Variants in TEX22 observed in about 807,000 individuals in gnomAD.
TEX22 encodes the protein testis expressed 22, also known as testis-expressed protein 22.
A neutral mutation model predicts 11.3 loss-of-function variants in TEX22; 16 were observed. That is an observed-to-expected ratio of 1.42 (90% CI 0.96 to 2.15). TEX22 has a LOEUF of 2.15. TEX22 is among the 30% of genes most tolerant of loss of function. TEX22 has a pLI of 0.00. For synonymous variants in TEX22, 97 were observed against 92.3 expected (o/e 1.05, Z -0.29); for missense variants, 220 against 208.6 (o/e 1.05, Z -0.34).
At chr14:105,403,325 T>C (rs1333975529) in intron 2 of TEX22, among the ~76,000 whole-genome samples, 1 of 152,208 alleles carries the variant, frequency 6.6e-6, no homozygotes, top group Non-Finnish European at 1.5e-5. Context: ...TGAACTTCCT[T>C]TTCTATGAGT....
chr14:105,408,036 G>C (rs587770514), intron 2 of TEX22, among the ~76,000 whole-genome samples: 2 of 152,232 alleles, frequency 1.3e-5, no homozygotes, highest in South Asian at 4.2e-4. Context: ...ATGAGTTAAA[G>C]AGTTCTGTGC....
chr14:105,405,571 C>T (rs995361650), intron 2 of TEX22, among the ~76,000 whole-genome samples: 30 of 152,148 alleles, frequency 2.0e-4, no homozygotes, highest in Admixed American at 1.0e-3. Flanking sequence ...ACCAAACGGC[C>T]GTGCATCAGT....
At position 105,412,641 on chromosome 14, in the gene TEX22, G is replaced by A. The variant is rs1284901177; in HGVS notation, c.*808G>A. 6.6e-6 allele frequency: 1 copy of A among 152,054 alleles called. No homozygotes were observed. Among genetic ancestry groups the A allele is most frequent in the Non-Finnish European group, 1.5e-5 (1 of 68,072 alleles). 9.4% of individuals were successfully genotyped at this position (152,054 alleles called of 1,614,324 possible). On this transcript the variant is annotated 3_prime_UTR_variant, in exon 4 of 4. Transcript: ENST00000451127. This position sits in a 1 kb window ranked among gnomAD's most constrained non-coding sequence, Gnocchi z 5.8. ...GCATTTTGGGGACACTAAGTTGCAGGGGGACTGGATTGGGAGGCGGGGCAG... is the reference window on the plus strand; with the variant it reads ...GCATTTTGGGGACACTAAGTTGCAGAGGGACTGGATTGGGAGGCGGGGCAG...
At chr14:105,400,469 C>T (rs750040574) in intron 2 of TEX22, among the ~76,000 whole-genome samples, 4 of 152,054 alleles carry the variant, frequency 2.6e-5, no homozygotes, top group Admixed American at 6.6e-5. Flanking sequence ...TAGTGAGGGC[C>T]GCTCAGGAGG....
Position 105,411,397 on chromosome 14 carries a change from G to A in TEX22, c.180G>A (p.Pro60=). The A allele has an allele frequency of 1.5e-6, 2 of 1,321,160 alleles. No homozygotes were observed. The highest frequency in any genetic ancestry group is 3.2e-5 in the East Asian group (1 of 31,206). The allele number at this position is 1,321,160 out of a possible 1,614,324, so 81.8% of individuals were successfully genotyped here. Residue 60 remains proline (P), a synonymous_variant, in exon 3 of 4, where the codon CCG becomes CCA. Transcript: ENST00000451127. ...GCGAGCCGCCGGAACGCAGGCGCCC[G>A]GGCCGCCGCTGGAGCGTCAGCATCG... ...WVCEPPERRR[P]GRRWSVSIDE... is the part of the protein sequence containing the mutation.
rs1421114277 is a variant in TEX22, at chr14:105,412,060, G to C, written c.*227G>C. 2.4e-6 allele frequency: 1 copy of C among 418,120 alleles called. No individual in the cohort carries two copies. Among genetic ancestry groups the C allele is most frequent in the South Asian group, 5.9e-5 (1 of 16,986 alleles). The allele number at this position is 418,120 out of a possible 1,614,324, so 25.9% of individuals were successfully genotyped here. On this transcript the variant is annotated 3_prime_UTR_variant, in exon 4 of 4. Transcript: ENST00000451127. The surrounding 1 kb of genome is among the most constrained non-coding windows in gnomAD (Gnocchi z 5.8). ...CTAGGGGAGGGGAACACTGCCCCGGGTCAGTCTGAGAGGGCCCTGGCAAGG... is the reference window on the plus strand; with the variant it reads ...CTAGGGGAGGGGAACACTGCCCCGGCTCAGTCTGAGAGGGCCCTGGCAAGG...
chr14:105,399,328 A>G lies in TEX22; in HGVS notation c.-13A>G, dbSNP rs1158377017. On this transcript the variant is annotated 5_prime_UTR_variant, in exon 2 of 4. Coordinates refer to ENST00000451127, the MANE Select transcript of TEX22 (RefSeq NM_001195082.2). ...TCTCAGAGGTGTGGACAAGCAGCCT[A>G]CTAGGGCTAGAGATGGACAGCAGGA... The G allele has an allele frequency of 4.6e-6, 7 of 1,533,620 alleles. No individual in the cohort carries two copies. Among genetic ancestry groups the G allele is most frequent in the Non-Finnish European group, 6.1e-6 (7 of 1,145,876 alleles).
intron 2 of TEX22, among the ~76,000 whole-genome samples, chr14:105,400,584 T>A (rs1445290042): frequency 1.3e-5 from 2 of 151,918 alleles, no homozygotes; most frequent in Non-Finnish European, 2.9e-5. Context: ...ATTGGACCCA[T>A]ATCCAGCAAG....
At chr14:105,409,980 G>C (rs2081680459) in intron 2 of TEX22, among the ~76,000 whole-genome samples, 1 of 152,022 alleles carries the variant, frequency 6.6e-6, no homozygotes. Context: ...GGTCTCACAG[G>C]CTGGTTTAGA....
intron 2 of TEX22, among the ~76,000 whole-genome samples, chr14:105,410,158 A>G (rs587597047): frequency 1.4e-5 from 2 of 144,820 alleles, no homozygotes; most frequent in Admixed American, 6.9e-5. Flanking sequence ...GCTCAGTGCA[A>G]CCTCCACCTC....
At chr14:105,399,736 T>A (rs1555418163) in intron 2 of TEX22, among the ~76,000 whole-genome samples, 1 of 152,124 alleles carries the variant, frequency 6.6e-6, no homozygotes, top group African/African-American at 2.4e-5. Flanking sequence ...AGAGAGGTCT[T>A]CCAAGGCCAG....
intron 2 of TEX22, among the ~76,000 whole-genome samples, chr14:105,401,178 G>C (rs1403407495): frequency 6.6e-6 from 1 of 152,192 alleles, no homozygotes; most frequent in Non-Finnish European, 1.5e-5. Context: ...CCAGTGCTTA[G>C]GACAGTGTCT....
chr14:105,411,223 C>T, intron 2 of TEX22, 145 bp from the exon 3 acceptor site: 1 of 997,704 alleles, frequency 1.0e-6, no homozygotes, highest in East Asian at 3.9e-5. Flanking sequence ...GCGCCGGGAG[C>T]TGGCGCTGGA....
In TEX22 at chr14:105,399,452, CAG is replaced by C. The variant is rs1277721792; in HGVS notation, c.115_116del (p.Ser39GlnfsTer100). 1 of 1,535,528 alleles carries C rather than the reference CAG, an allele frequency of 6.5e-7. No homozygotes were observed. Among genetic ancestry groups the C allele is most frequent in the Non-Finnish European group, 8.7e-7 (1 of 1,146,766 alleles). On this transcript the variant is annotated frameshift_variant, in exon 2 of 4. Coordinates refer to ENST00000451127, the MANE Select transcript of TEX22 (RefSeq NM_001195082.2). LOFTEE classifies it high-confidence loss of function. Reference protein sequence around the residue: ...LIAAWGQPSIQSSVQQGLQTQ... With the variant: ...LIAAWGQPSIXSSVQQGLQTQ... The stretch of plus-strand genomic sequence containing the variant: ...AGCAGCCTGGGGCCAGCCCAGTATC[CAG>C]AGCAGCGTTCAGCAGGGACTGCAGA...
chr14:105,399,844 G>T (rs781870215), intron 2 of TEX22, among the ~76,000 whole-genome samples: 3 of 152,206 alleles, frequency 2.0e-5, no homozygotes, highest in Non-Finnish European at 4.4e-5. Flanking sequence ...AGGTCCCCAG[G>T]GGGGGTGGTG....
At chr14:105,405,454 G>GTGTTCC (rs1555418804) in intron 2 of TEX22, among the ~76,000 whole-genome samples, 2 of 152,230 alleles carry the variant, frequency 1.3e-5, no homozygotes, top group Non-Finnish European at 2.9e-5. Flanking sequence ...CCAGTTAAAA[G>GTGTTCC]ACAGACATTG....
rs587681993 is a variant in TEX22, at chr14:105,412,019, G to T, written c.*186G>T. Reference sequence around the variant, plus strand: ...CTGAGGCCTTGGAGACCGGGCTAGGGGCTATGGGAGGCCATCTAGGGGAGG... The same window carrying T: ...CTGAGGCCTTGGAGACCGGGCTAGGTGCTATGGGAGGCCATCTAGGGGAGG... On this transcript the variant is annotated 3_prime_UTR_variant, in exon 4 of 4. Coordinates refer to ENST00000451127, the MANE Select transcript of TEX22 (RefSeq NM_001195082.2). The surrounding 1 kb of genome is among the most constrained non-coding windows in gnomAD (Gnocchi z 5.8). 1.4e-5 allele frequency: 7 copies of T among 514,944 alleles called. No homozygotes were observed. The South Asian group carries it at 2.0e-4, about 15-fold the overall frequency. The allele number at this position is 514,944 out of a possible 1,614,324, so 31.9% of individuals were successfully genotyped here. A position where few individuals can be genotyped will look rare whatever the true frequency, so the allele number is the denominator to read the frequency against.
chr14:105,398,949 G>GGCCCTGAGAGCGT (rs1459014908), intron 1 of TEX22, among the ~76,000 whole-genome samples: 11 of 152,366 alleles, frequency 7.2e-5, no homozygotes, highest in African/African-American at 2.6e-4. Context: ...AGCAAGGCCG[G>GGCCCTGAGAGCGT]GCCCTGAGAG....
chr14:105,401,610 A>T (rs955097819), intron 2 of TEX22, among the ~76,000 whole-genome samples: 2 of 151,366 alleles, frequency 1.3e-5, no homozygotes, highest in Non-Finnish European at 2.9e-5. Flanking sequence ...GAGGGATAGC[A>T]TTAGGAGATA....
Sources: gnomAD v4.1 joint callset for allele counts (sites outside exome capture counted in the v4.1 genomes callset) on GRCh38, gnomAD v4.1.1 for gene constraint, Gnocchi (gnomAD v3.1) non-coding constraint, MANE v1.5 for transcripts, NCBI Gene and HGNC (gene_info 2026-07-23, HGNC 2026-07-21) for gene names.